MARF1: variants seen among roughly 807,000 people sequenced by gnomAD.
MARF1 encodes limkain-b1.
A neutral mutation model predicts 168.2 loss-of-function variants in MARF1; 24 were observed. The ratio of observed to expected loss-of-function variants is 0.14; its 90% confidence interval spans 0.10 to 0.20. The LOEUF (loss-of-function observed/expected upper bound fraction) is 0.20, where lower values mean the gene tolerates loss of function less well. Ranked by LOEUF, MARF1 falls within the 10% of genes least tolerant of loss-of-function variation. MARF1 has a pLI of 1.00. For missense variants in MARF1, 1,744 were observed against 2,143.6 expected (o/e 0.81, Z 3.68); for synonymous variants, 868 against 822.4 (o/e 1.06, Z -0.95).
chr16:15,611,480 A>C, intron 18 of MARF1, 112 bp downstream of exon 18: 1 of 988,728 alleles, frequency 1.0e-6, no homozygotes. Context: ...AAACTACTAC[A>C]AGTTTTCCAA....
chr16:15,611,156 TAGA>T (rs1451575894), intron 18 of MARF1, 48 bp from the exon 19 acceptor site: 2 of 1,588,758 alleles, frequency 1.3e-6, no homozygotes, highest in Non-Finnish European at 8.6e-7. Context: ...GTATCATCGG[TAGA>T]AGAACTACAA....
intron 1 of MARF1, among the ~76,000 whole-genome samples, chr16:15,639,766 T>C (rs549064350): frequency 6.6e-6 from 1 of 152,230 alleles, no homozygotes; most frequent in South Asian, 2.1e-4. Flanking sequence ...ACACAAAATA[T>C]CAGAGCATAT....
At chr16:15,624,967 C>T in intron 9 of MARF1, 40 bp from the exon 10 acceptor site, 1 of 1,613,550 alleles carries the variant, frequency 6.2e-7, no homozygotes. Context: ...GGTCATATGT[C>T]TTCCTTCACA....
chr16:15,634,685 T>C, intron 4 of MARF1, 72 bp downstream of exon 4: 1 of 1,427,174 alleles, frequency 7.0e-7, no homozygotes, highest in Non-Finnish European at 9.7e-7. Context: ...TCAAAGGTGA[T>C]TAAATGCAAT....
chr16:15,641,765 C>A (rs1174981069), intron 1 of MARF1, among the ~76,000 whole-genome samples: 1 of 152,176 alleles, frequency 6.6e-6, no homozygotes, highest in African/African-American at 2.4e-5. Flanking sequence ...TAGGCTTGTT[C>A]ACCCCTTTCC....
At chr16:15,603,057 T>C (rs1233383607) in intron 22 of MARF1, among the ~76,000 whole-genome samples, 1 of 152,236 alleles carries the variant, frequency 6.6e-6, no homozygotes, top group Non-Finnish European at 1.5e-5. Flanking sequence ...GGGAAAGTCC[T>C]TTGTCCTGAA....
chr16:15,614,577 A>G (rs910255970), intron 16 of MARF1, among the ~76,000 whole-genome samples: 12 of 147,534 alleles, frequency 8.1e-5, no homozygotes. Flanking sequence ...TGAGGTCAGG[A>G]GATCAAGACC....
At chr16:15,601,662 T>C (rs2032443119) in intron 23 of MARF1, 3 of 415,054 alleles carry the variant, frequency 7.2e-6, no homozygotes, top group Non-Finnish European at 8.8e-6. Context: ...AAGTGGGCCC[T>C]GACACGGCCC....
At chr16:15,619,793 G>C (rs1741003950) in intron 13 of MARF1, among the ~76,000 whole-genome samples, 1 of 152,094 alleles carries the variant, frequency 6.6e-6, no homozygotes, top group Admixed American at 6.5e-5. Flanking sequence ...GGGTGCTTAG[G>C]ATACAGTATT....
chr16:15,618,565 T>A (rs1483152647), intron 13 of MARF1, among the ~76,000 whole-genome samples: 1 of 152,110 alleles, frequency 6.6e-6, no homozygotes, highest in Non-Finnish European at 1.5e-5. Context: ...TGGCCTTGGA[T>A]CCCCCCATTC....
chr16:15,618,186 G>T (rs560465796), intron 13 of MARF1, among the ~76,000 whole-genome samples: 1 of 152,304 alleles, frequency 6.6e-6, no homozygotes, highest in African/African-American at 2.4e-5. Context: ...AGGATTAAGT[G>T]TGGTTAGGCC....
rs780953675 is a variant in MARF1, at chr16:15,631,432, G to A, written c.1300C>T (p.Arg434Cys). Residue 434 changes from arginine (R) to cysteine (C), a missense_variant, in exon 6 of 27, where the codon CGC becomes TGC. By Grantham distance (180) the Arg-to-Cys change is radical. This residue lies in a region of MARF1 where 217 missense variants were observed against 372.4 expected (regional missense o/e 0.58). Coordinates refer to ENST00000396368, the MANE Select transcript of MARF1 (RefSeq NM_014647.4). Reference protein sequence around the residue: ...AADDKLRQSLRRFANTHTAPA... With the variant: ...AADDKLRQSLCRFANTHTAPA... ...GCAGTGTGTGTATTTGCAAATCTGC[G>A]GAGACTCTGCCGCAGTTTATCATCA... 8 of 1,613,132 alleles carry A rather than the reference G, an allele frequency of 5.0e-6. No individual in the cohort carries two copies. The highest frequency in any genetic ancestry group is 2.2e-5 in the East Asian group (1 of 44,870).
At chr16:15,608,257 A>AG (rs755530383) in intron 21 of MARF1, 34 bp downstream of exon 21, 121 of 1,268,262 alleles carry the variant, frequency 9.5e-5, no homozygotes, top group East Asian at 3.2e-4. Context: ...TTATCCCATG[A>AG]GGGAAAAAAA....
rs139962572 is a variant in MARF1, at chr16:15,604,258, G to A, written c.4323C>T (p.Tyr1441=). ...TAAGGGGAGTGTTGTGGGTACTTTC[G>A]TAATGTCTCTTGAGCTCCTCAACAG... ...HLSVEELKRH[Y]ESTHNTPLNP... Residue 1441 remains tyrosine, a synonymous_variant, in exon 22 of 27, where the codon TAC becomes TAT. Coordinates refer to ENST00000396368, the MANE Select transcript of MARF1 (RefSeq NM_014647.4). 1.0e-3 allele frequency: 1,644 copies of A among 1,614,078 alleles called. 16 individuals carry two copies. The African/African-American group carries it at 0.019, about 19-fold the overall frequency.
chr16:15,598,815 C>G (rs777573537), intron 26 of MARF1, 39 bp downstream of exon 26: 10 of 1,605,212 alleles, frequency 6.2e-6, no homozygotes, highest in Non-Finnish European at 8.5e-6. Context: ...TTGTTTTAAA[C>G]CCCGAAGAAA....
chr16:15,611,225 G>A (rs190371113), intron 18 of MARF1, 117 bp from the exon 19 acceptor site: 22 of 917,168 alleles, frequency 2.4e-5, no homozygotes, highest in South Asian at 9.5e-5. Context: ...TTGGGAGGCC[G>A]AGGTGGACGG....
chr16:15,619,626 C>T (rs2034307035), intron 13 of MARF1, among the ~76,000 whole-genome samples: 1 of 152,170 alleles, frequency 6.6e-6, no homozygotes, highest in East Asian at 1.9e-4. Context: ...CCTTTCCAAT[C>T]AGTTTTCTTC....
At chr16:15,604,661 CATT>C (rs1410402304) in intron 21 of MARF1, among the ~76,000 whole-genome samples, 1 of 152,136 alleles carries the variant, frequency 6.6e-6, no homozygotes, top group Non-Finnish European at 1.5e-5. Context: ...GAAATTGCAT[CATT>C]CTCTTTATTT....
intron 7 of MARF1, among the ~76,000 whole-genome samples, chr16:15,628,234 G>GTA (rs2035007249): frequency 6.6e-6 from 1 of 152,028 alleles, no homozygotes; most frequent in African/African-American, 2.4e-5. Context: ...ACAGAACACT[G>GTA]TATATGTGAC....
Sources: allele counts gnomAD v4.1 joint callset (sites outside exome capture counted in the v4.1 genomes callset), GRCh38; gene constraint gnomAD v4.1.1; regional missense constraint gnomAD v4.1.1; transcripts MANE v1.5; gene names NCBI Gene and HGNC (gene_info 2026-07-23, HGNC 2026-07-21).